The following NUMB variants were observed in gnomAD, a reference collection of about 807,000 sequenced individuals.
The protein encoded by NUMB is protein numb homolog.
NUMB carries 29 observed loss-of-function variants against 59.7 expected under a neutral mutation model. That is an observed-to-expected ratio of 0.49 (90% CI 0.36 to 0.66). NUMB has a LOEUF of 0.66. Among genes scored for constraint, NUMB ranks in the 30% least tolerant of loss-of-function variants. The probability of loss-of-function intolerance (pLI) is 0.00; values close to 1 mark genes in which losing one functional copy is unlikely to be tolerated. For synonymous variants in NUMB, 288 were observed against 288.2 expected, an observed-to-expected ratio of 1.00 and a Z score of 0.01; for missense variants, 723 against 822.0, an observed-to-expected ratio of 0.88 and a Z score of 1.47.
chr14:73,380,704 T>C (rs1175712876), intron 2 of NUMB, among the ~76,000 whole-genome samples: 2 of 151,372 alleles, frequency 1.3e-5, no homozygotes, highest in African/African-American at 2.4e-5. Flanking sequence ...CCACCACTGA[T>C]TGGGCACATT....
intron 6 of NUMB, among the ~76,000 whole-genome samples, chr14:73,308,059 G>A (rs986161478): frequency 3.3e-5 from 5 of 152,070 alleles, no homozygotes; most frequent in African/African-American, 1.2e-4. Context: ...AAGATCACTC[G>A]GGTTGATCTC....
chr14:73,412,445 T>C (rs893168848), intron 1 of NUMB, among the ~76,000 whole-genome samples: 8 of 151,738 alleles, frequency 5.3e-5, no homozygotes, highest in Non-Finnish European at 2.9e-5. Flanking sequence ...CTGACCAACA[T>C]AGAGAAACCC....
chr14:73,404,348 T>C (rs1316041372), intron 2 of NUMB, among the ~76,000 whole-genome samples: 1 of 151,924 alleles, frequency 6.6e-6, no homozygotes, highest in Non-Finnish European at 1.5e-5. Flanking sequence ...AATTCATAGT[T>C]AAGGTATGAT....
intron 8 of NUMB, 121 bp from the exon 9 acceptor site, chr14:73,287,435 G>A: frequency 1.2e-6 from 1 of 849,818 alleles, no homozygotes; most frequent in Admixed American, 2.7e-5. Context: ...CTGGAGTGCA[G>A]TGGCGCAGTC....
At chr14:73,334,190 T>A (rs570435049) in intron 4 of NUMB, among the ~76,000 whole-genome samples, 1 of 152,336 alleles carries the variant, frequency 6.6e-6, no homozygotes, top group South Asian at 2.1e-4. Context: ...GTGCTAGGAT[T>A]ACAGGTGTGA....
At chr14:73,315,989 C>T (rs1296003238) in intron 6 of NUMB, among the ~76,000 whole-genome samples, 3 of 152,020 alleles carry the variant, frequency 2.0e-5, no homozygotes, top group East Asian at 1.9e-4. Flanking sequence ...TGGGTTCAAT[C>T]GATTCTCCTG....
intron 1 of NUMB, among the ~76,000 whole-genome samples, chr14:73,430,876 C>T (rs372572797): frequency 2.0e-5 from 3 of 151,212 alleles, no homozygotes; most frequent in Non-Finnish European, 2.9e-5. Context: ...ACCAGGGAGG[C>T]GGAGCTTGCA....
At chr14:73,381,804 AT>A (rs1183482136) in intron 2 of NUMB, among the ~76,000 whole-genome samples, 1 of 152,130 alleles carries the variant, frequency 6.6e-6, no homozygotes, top group Non-Finnish European at 1.5e-5. Flanking sequence ...TTGTTTAAAA[AT>A]GAATAAATAG....
chr14:73,307,366 T>C (rs1338295254), intron 6 of NUMB, among the ~76,000 whole-genome samples: 1 of 130,924 alleles, frequency 7.6e-6, no homozygotes, highest in Non-Finnish European at 1.6e-5. Flanking sequence ...TGGGGGAGAG[T>C]GGTGTTTGGA....
chr14:73,416,992 G>C (rs1381209049), intron 1 of NUMB, among the ~76,000 whole-genome samples: 1 of 151,730 alleles, frequency 6.6e-6, no homozygotes, highest in Non-Finnish European at 1.5e-5. Flanking sequence ...AGAATGGCAT[G>C]GCAGAGGAGA....
At chr14:73,303,944 T>A (rs1890285268) in intron 6 of NUMB, among the ~76,000 whole-genome samples, 1 of 152,240 alleles carries the variant, frequency 6.6e-6, no homozygotes, top group African/African-American at 2.4e-5. Context: ...AATATCCAGC[T>A]TAGTATTTTA....
Position 73,355,649 on chromosome 14 carries a change from C to T in NUMB, c.103G>A (p.Gly35Arg), listed in dbSNP as rs1464225174. ...WQTDEEGVRT[G>R]KCSFPVKYLG... Reference sequence around the variant, plus strand: ...ACCTTAACCGGGAAGCTACATTTTCCGGTGCGAACGCCTTCTTCATCTGTC... The same window carrying T: ...ACCTTAACCGGGAAGCTACATTTTCTGGTGCGAACGCCTTCTTCATCTGTC... Residue 35 changes from glycine (G) to arginine (R), a missense_variant, in exon 4 of 13, where the codon GGA becomes AGA. By Grantham distance (125) the Gly-to-Arg change is moderately radical. This residue lies in a region of NUMB where 317 missense variants were observed against 436.6 expected (regional missense o/e 0.73). Transcript: ENST00000555238. The T allele has an allele frequency of 1.2e-5, 19 of 1,613,066 alleles. No homozygotes were observed. Among genetic ancestry groups the T allele is most frequent in the East Asian group, 2.2e-5 (1 of 44,828 alleles).
chr14:73,369,164 C>T (rs1215004421), intron 2 of NUMB, among the ~76,000 whole-genome samples: 1 of 151,888 alleles, frequency 6.6e-6, no homozygotes, highest in African/African-American at 2.4e-5. Context: ...GCCTCGGCCT[C>T]CTGAGTAGCT....
intron 2 of NUMB, among the ~76,000 whole-genome samples, chr14:73,393,039 G>A (rs965688900): frequency 6.6e-6 from 1 of 152,180 alleles, no homozygotes; most frequent in African/African-American, 2.4e-5. Flanking sequence ...TAACAGTGGT[G>A]AGGGGAGGAA....
At chr14:73,401,709 A>G (rs1444630521) in intron 2 of NUMB, among the ~76,000 whole-genome samples, 1 of 151,570 alleles carries the variant, frequency 6.6e-6, no homozygotes, top group Non-Finnish European at 1.5e-5. Context: ...AGCTGGGACC[A>G]CAGGTGCCTG....
At chr14:73,278,045 C>CAA (rs57146032) in intron 12 of NUMB, among the ~76,000 whole-genome samples, 14,629 of 67,948 alleles carry the variant, frequency 0.22, 2,473 homozygotes, top group East Asian at 0.54. Context: ...GACTCCGTCT[C>CAA]AAAAAAAAAA....
chr14:73,321,061 TC>T (rs200297182), intron 5 of NUMB, among the ~76,000 whole-genome samples: 4 of 151,484 alleles, frequency 2.6e-5, no homozygotes, highest in Non-Finnish European at 4.4e-5. Flanking sequence ...TAAAAGTATT[TC>T]AAAAAAAAAC....
At chr14:73,375,534 C>A (rs1207587998) in intron 2 of NUMB, among the ~76,000 whole-genome samples, 1 of 151,974 alleles carries the variant, frequency 6.6e-6, no homozygotes, top group African/African-American at 2.4e-5. Flanking sequence ...CAAATCCAGC[C>A]TGTAGAAAAA....
At chr14:73,406,226 T>C (rs1159855113) in intron 2 of NUMB, among the ~76,000 whole-genome samples, 1 of 150,606 alleles carries the variant, frequency 6.6e-6, no homozygotes, top group Admixed American at 6.6e-5. Flanking sequence ...GTAAATCTCC[T>C]AATGCTATCC....
Sources: gnomAD v4.1 joint callset for allele counts (sites outside exome capture counted in the v4.1 genomes callset) on GRCh38, gnomAD v4.1.1 for gene constraint, gnomAD v4.1.1 regional missense constraint, MANE v1.5 for transcripts, NCBI Gene and HGNC (gene_info 2026-07-23, HGNC 2026-07-21) for gene names.